The following SCMH1 variants were observed in gnomAD, a reference collection of about 807,000 sequenced individuals.
The protein encoded by SCMH1 is polycomb protein SCMH1.
Under a neutral mutation model 70.8 loss-of-function variants are expected in SCMH1, and 37 were observed. The ratio of observed to expected loss-of-function variants is 0.52; its 90% confidence interval spans 0.40 to 0.69. The LOEUF is 0.69. Among genes scored for constraint, SCMH1 ranks in the 30% least tolerant of loss-of-function variants. The pLI, the probability that SCMH1 is intolerant of heterozygous loss-of-function variation, is 0.00. For synonymous variants in SCMH1, 292 were observed against 307.4 expected (o/e 0.95, Z 0.52); for missense variants, 607 against 827.3 (o/e 0.73, Z 3.27).
At chr1:41,185,388 T>C (rs759122206) in intron 2 of SCMH1, among the ~76,000 whole-genome samples, 1 of 152,216 alleles carries the variant, frequency 6.6e-6, no homozygotes, top group Admixed American at 6.5e-5. Flanking sequence ...GGTTTTGCCA[T>C]GTTGCCCAGG....
chr1:41,112,140 C>T (rs1282967139), intron 8 of SCMH1, among the ~76,000 whole-genome samples: 1 of 152,106 alleles, frequency 6.6e-6, no homozygotes, highest in Admixed American at 6.6e-5. Flanking sequence ...ATGAAATTAT[C>T]TTATTTCTTG....
At chr1:41,240,685 C>T (rs973303807) in intron 1 of SCMH1, among the ~76,000 whole-genome samples, 3 of 151,620 alleles carry the variant, frequency 2.0e-5, no homozygotes, top group Admixed American at 6.6e-5. Flanking sequence ...AAGGAAACCC[C>T]CAAATTTCCA....
At chr1:41,234,161 A>AT (rs1398946007) in intron 1 of SCMH1, among the ~76,000 whole-genome samples, 1 of 152,144 alleles carries the variant, frequency 6.6e-6, no homozygotes, top group African/African-American at 2.4e-5. Context: ...AGGGCCAGGC[A>AT]TGATGGCTCA....
chr1:41,145,888 A>G (rs1016220406), intron 5 of SCMH1, among the ~76,000 whole-genome samples: 2 of 152,236 alleles, frequency 1.3e-5, no homozygotes, highest in African/African-American at 2.4e-5. Flanking sequence ...AGCACATACA[A>G]TTATGTACAG....
chr1:41,033,853 G>A (rs917408145), intron 13 of SCMH1, 130 bp downstream of exon 14: 1 of 1,370,822 alleles, frequency 7.3e-7, no homozygotes, highest in Non-Finnish European at 1.0e-6. Flanking sequence ...GGTTTCCAAG[G>A]AAAATTGGAG....
chr1:41,212,981 C>A (rs1365994313), intron 1 of SCMH1, among the ~76,000 whole-genome samples: 3 of 151,962 alleles, frequency 2.0e-5, no homozygotes, highest in African/African-American at 4.8e-5. Context: ...AAGGTATTCT[C>A]TGGAAAATGC....
exon 10 of SCMH1, chr1:41,070,693 G>A (rs1233261663): frequency 5.6e-6 from 9 of 1,614,050 alleles, no homozygotes; most frequent in Non-Finnish European, 6.8e-6. Flanking sequence ...TGAGGCAGGT[G>A]GTGGGTTCAG....
chr1:41,150,612 T>C (rs577051979), intron 5 of SCMH1, among the ~76,000 whole-genome samples: 42 of 152,128 alleles, frequency 2.8e-4, no homozygotes, highest in African/African-American at 9.9e-4. Context: ...TGAGCAGAAG[T>C]CCTGAACTTG....
chr1:41,102,296 G>A (rs1221200140), intron 8 of SCMH1, among the ~76,000 whole-genome samples: 1 of 152,200 alleles, frequency 6.6e-6, no homozygotes, highest in Non-Finnish European at 1.5e-5. Flanking sequence ...TTCATTCACA[G>A]TAGTGTATCA....
intron 1 of SCMH1, among the ~76,000 whole-genome samples, chr1:41,239,022 A>G (rs1375335407): frequency 6.6e-6 from 1 of 152,188 alleles, no homozygotes; most frequent in East Asian, 1.9e-4. Context: ...ACATTTTCTC[A>G]GATTCATTTC....
chr1:41,088,495 T>C (rs1356647436), intron 8 of SCMH1, among the ~76,000 whole-genome samples: 1 of 152,102 alleles, frequency 6.6e-6, no homozygotes, highest in Non-Finnish European at 1.5e-5. Context: ...AGGGATAGGG[T>C]CTGACTCTGT....
At chr1:41,236,947 G>C (rs1232271826) in intron 1 of SCMH1, among the ~76,000 whole-genome samples, 1 of 152,228 alleles carries the variant, frequency 6.6e-6, no homozygotes, top group Non-Finnish European at 1.5e-5. Flanking sequence ...GGTGGCTAGA[G>C]AGTTAACACT....
intron 2 of SCMH1, among the ~76,000 whole-genome samples, chr1:41,184,016 G>A (rs1041163556): frequency 1.3e-5 from 2 of 152,120 alleles, no homozygotes; most frequent in African/African-American, 4.8e-5. Context: ...GAGATTGATG[G>A]TGGTGATGGG....
At chr1:41,115,594 C>T (rs1670268108) in intron 7 of SCMH1, among the ~76,000 whole-genome samples, 1 of 152,178 alleles carries the variant, frequency 6.6e-6, no homozygotes, top group South Asian at 2.1e-4. Flanking sequence ...CGTGCCACCA[C>T]TCTTAGCTAA....
chr1:41,155,777 T>C (rs1348285179), intron 4 of SCMH1, among the ~76,000 whole-genome samples: 1 of 150,772 alleles, frequency 6.6e-6, no homozygotes, highest in Non-Finnish European at 1.5e-5. Context: ...AGGTCAGGAG[T>C]TCAAGACCAG....
intron 1 of SCMH1, among the ~76,000 whole-genome samples, chr1:41,217,465 T>C (rs887658538): frequency 1.3e-5 from 2 of 152,176 alleles, no homozygotes; most frequent in Non-Finnish European, 1.5e-5. Flanking sequence ...CCTATCCAGA[T>C]AGTGTGCTCT....
At chr1:41,160,992 T>A (rs1645972869) in intron 3 of SCMH1, 94 bp from the exon 4 acceptor site, 1 of 1,238,720 alleles carries the variant, frequency 8.1e-7, no homozygotes, top group Non-Finnish European at 1.2e-6. Flanking sequence ...GGAAATCGAG[T>A]ATTTGTCTAG....
chr1:41,241,762 C>T (rs1416790465), intron 1 of SCMH1, among the ~76,000 whole-genome samples: 3 of 151,856 alleles, frequency 2.0e-5, no homozygotes, highest in Non-Finnish European at 4.4e-5. Flanking sequence ...TTTCCCGTGC[C>T]GGGGCCCCCG....
At chr1:41,099,088 T>A (rs894025120) in intron 8 of SCMH1, 2 of 241,344 alleles carry the variant, frequency 8.3e-6, no homozygotes, top group African/African-American at 4.6e-5. Flanking sequence ...GACTGGCTCC[T>A]GATTATGATG....
Sources: gnomAD v4.1 joint callset for allele counts (sites outside exome capture counted in the v4.1 genomes callset) on GRCh38, gnomAD v4.1.1 for gene constraint, MANE v1.5 for transcripts, NCBI Gene and HGNC (gene_info 2026-07-23, HGNC 2026-07-21) for gene names.